MYCBP2: variants seen among roughly 807,000 people sequenced by gnomAD.
The protein encoded by MYCBP2 is MYC binding protein 2.
A neutral mutation model predicts 525.3 loss-of-function variants in MYCBP2; 120 were observed. That is an observed-to-expected ratio of 0.23 (90% CI 0.20 to 0.27). MYCBP2 has a LOEUF of 0.27. Ranked by LOEUF, MYCBP2 falls within the 10% of genes least tolerant of loss-of-function variation. The pLI is 1.00. For missense variants in MYCBP2, 4,149 were observed against 5,657.1 expected (o/e 0.73, Z 8.55); for synonymous variants, 1,894 against 1,955.8 (o/e 0.97, Z 0.83).
In MYCBP2 at chr13:77,077,211, A is replaced by G. The variant is rs1434752913; in HGVS notation, c.11661T>C (p.Ser3887=). 1 of 1,614,040 alleles carries G rather than the reference A, an allele frequency of 6.2e-7. No individual in the cohort carries two copies. Among genetic ancestry groups the G allele is most frequent in the Non-Finnish European group, 8.5e-7 (1 of 1,179,968 alleles). Residue 3887 remains serine, a synonymous_variant, in exon 67 of 83, where the codon AGT becomes AGC. Transcript: ENST00000544440. The part of the protein sequence containing the change: ...STKIAGQISA[S]VAQQRNCEAE... ...CTTCACAGTTCCTCTGCTGGGCCAC[A>G]CTGGCTGAAATCTGGCCAGCTATTT... is the stretch of plus-strand genomic sequence containing the variant.
intron 82 of MYCBP2, among the ~76,000 whole-genome samples, 195 bp from the exon 83 acceptor site, chr13:77,045,688 T>C (rs1022493978): frequency 6.6e-6 from 1 of 152,128 alleles, no homozygotes; most frequent in Non-Finnish European, 1.5e-5. Context: ...AACACAGATA[T>C]GTACAATGGA....
intron 68 of MYCBP2, among the ~76,000 whole-genome samples, chr13:77,072,124 TA>T (rs1236144240): frequency 2.0e-5 from 3 of 150,522 alleles, no homozygotes; most frequent in Admixed American, 6.6e-5. Context: ...CCATCTCTAC[TA>T]AAAAAAATAC....
chr13:77,265,962 A>T (rs527339164), intron 8 of MYCBP2, among the ~76,000 whole-genome samples: 1 of 152,346 alleles, frequency 6.6e-6, no homozygotes, highest in African/African-American at 2.4e-5. Context: ...CCACTAATAC[A>T]GCACACACTT....
intron 52 of MYCBP2, chr13:77,129,096 A>G (rs549927739): frequency 2.5e-6 from 1 of 396,710 alleles, no homozygotes; most frequent in African/African-American, 2.1e-5. Context: ...AAGACACAAA[A>G]TTTGTTATAC....
rs1237634468 is a variant in MYCBP2 at position 77,135,005 on chromosome 13, A to G, written c.7659+4191T>C. Among the ~76,000 whole-genome samples the G allele has an allele frequency of 2.0e-5, 3 of 152,200 alleles. No homozygotes were observed. The East Asian group carries it at 5.8e-4, about 29-fold the overall frequency. On this transcript the variant is annotated intron_variant, in intron 52 of 82. Coordinates refer to ENST00000544440, the MANE Select transcript of MYCBP2 (RefSeq NM_015057.5). ...TATTTTTAAAAATAATTCATCCAAC[A>G]TTCAGTCAGTGTTCAAACTTCCAAT... is the stretch of plus-strand genomic sequence containing the variant.
At position 77,260,475 on chromosome 13, in the gene MYCBP2, C is replaced by T; in HGVS notation, c.1970G>A (p.Gly657Glu). 1 of 1,609,614 alleles carries T rather than the reference C, an allele frequency of 6.2e-7. No homozygotes were observed. Among genetic ancestry groups the T allele is most frequent in the Non-Finnish European group, 8.5e-7 (1 of 1,178,420 alleles). The change falls in exon 13 of 83, where the codon GGA (glycine) becomes GAA (glutamate). Residue 657 changes from glycine to glutamate, a missense_variant. By Grantham distance (98) the Gly-to-Glu change is moderately conservative. This residue lies in a region of MYCBP2 where 262 missense variants were observed against 419.3 expected (regional missense o/e 0.62). Coordinates refer to ENST00000544440, the MANE Select transcript of MYCBP2 (RefSeq NM_015057.5). ...NGSSSVISKD[G>E]ELYMFGKDAI... is the part of the protein sequence containing the mutation. ...ATCTTTTCCAAACATGTAGAGTTCTCCATCTTTAGAAATAACAGAACTACT... is the reference window on the plus strand; with the variant it reads ...ATCTTTTCCAAACATGTAGAGTTCTTCATCTTTAGAAATAACAGAACTACT...
At chr13:77,269,195 T>G (rs1456335752) in intron 7 of MYCBP2, among the ~76,000 whole-genome samples, 1 of 152,228 alleles carries the variant, frequency 6.6e-6, no homozygotes, top group East Asian at 1.9e-4. Context: ...TCTCTTGTGA[T>G]TCTTTGCATA....
At chr13:77,261,491 A>C (rs2073271200) in intron 11 of MYCBP2, 116 bp from the exon 12 acceptor site, 1 of 808,484 alleles carries the variant, frequency 1.2e-6, no homozygotes, top group Admixed American at 3.0e-5. Flanking sequence ...TCACATAAAA[A>C]CAAACTCTTT....
intron 68 of MYCBP2, chr13:77,075,410 C>A (rs556558751): frequency 1.3e-5 from 2 of 152,170 alleles, no homozygotes; most frequent in Non-Finnish European, 2.9e-5. Flanking sequence ...TCCTACTCAA[C>A]CTTAACTCCT....
intron 17 of MYCBP2, among the ~76,000 whole-genome samples, chr13:77,234,392 C>T (rs940912212): frequency 1.3e-5 from 2 of 151,862 alleles, no homozygotes; most frequent in African/African-American, 4.8e-5. Context: ...AATGATGGGA[C>T]AAATTGAGCC....
rs561739267 is a variant in MYCBP2 at position 77,093,024 on chromosome 13, T to C, written c.10367+141A>G. The C allele has an allele frequency of 5.5e-6, 4 of 726,206 alleles. No homozygotes were observed. The South Asian group carries it at 8.5e-5, about 15-fold the overall frequency. The allele number at this position is 726,206 out of a possible 1,614,324, so 45.0% of individuals were successfully genotyped here. A position where few individuals can be genotyped will look rare whatever the true frequency, so the allele number is the denominator to read the frequency against. ...AAGGACCTTACCTTAGTCATACATGTATGCTTTTTCTTACTGCTCCAGCAG... is the reference window on the plus strand; with the variant it reads ...AAGGACCTTACCTTAGTCATACATGCATGCTTTTTCTTACTGCTCCAGCAG... On this transcript the variant is annotated intron_variant, in intron 59 of 82. Transcript: ENST00000544440.
chr13:77,323,850 C>T (rs766198015), intron 1 of MYCBP2, among the ~76,000 whole-genome samples: 3 of 152,196 alleles, frequency 2.0e-5, no homozygotes, highest in Admixed American at 1.3e-4. Flanking sequence ...ACCTCCACCC[C>T]TTCTATATTA....
intron 61 of MYCBP2, chr13:77,087,863 C>T (rs2044623324): frequency 3.0e-6 from 1 of 331,224 alleles, no homozygotes; most frequent in Non-Finnish European, 5.5e-6. Flanking sequence ...TCACTGCAGC[C>T]TCAAGCACCC....
chr13:77,240,815 T>G (rs1331820989), intron 17 of MYCBP2, among the ~76,000 whole-genome samples: 1 of 152,116 alleles, frequency 6.6e-6, no homozygotes, highest in African/African-American at 2.4e-5. Flanking sequence ...GCAAGGACTG[T>G]GATAATTGAG....
intron 1 of MYCBP2, among the ~76,000 whole-genome samples, chr13:77,301,380 G>A (rs144602473): frequency 0.012 from 1,569 of 129,866 alleles, 12 homozygotes; most frequent in Middle Eastern, 0.032. Context: ...CCAAGATCGC[G>A]CCACTGCACT....
At chr13:77,123,029 G>C (rs913122332) in intron 54 of MYCBP2, among the ~76,000 whole-genome samples, 1 of 152,200 alleles carries the variant, frequency 6.6e-6, no homozygotes, top group Non-Finnish European at 1.5e-5. Context: ...TACCACAGCA[G>C]TAACTTTGCC....
At chr13:77,156,956 A>C (rs2057283316) in intron 45 of MYCBP2, among the ~76,000 whole-genome samples, 1 of 152,168 alleles carries the variant, frequency 6.6e-6, no homozygotes, top group African/African-American at 2.4e-5. Flanking sequence ...TTTAAAATTA[A>C]AACCAGAAAA....
chr13:77,217,919 C>T lies in MYCBP2; in HGVS notation c.2978G>A (p.Ser993Asn). 4.3e-6 allele frequency: 7 copies of T among 1,610,564 alleles called. No individual in the cohort carries two copies. Among genetic ancestry groups the T allele is most frequent in the Non-Finnish European group, 5.9e-6 (7 of 1,178,454 alleles). Residue 993 changes from serine to asparagine, a missense_variant, in exon 21 of 83, where the codon AGC becomes AAC. By Grantham distance (46) the Ser-to-Asn change is conservative. Transcript: ENST00000544440. ...PTLVQALPGP[S>N]TQVTAGSNHT... ...GTTGCTGCCTGCAGTGACTTGTGTG[C>T]TAGGGCCTGGCAATGCTTGAACAAG...
Position 77,174,501 on chromosome 13 carries a change from A to G in MYCBP2, c.5473-12T>C. The G allele has an allele frequency of 6.2e-7, 1 of 1,610,126 alleles. No homozygotes were observed. The highest frequency in any genetic ancestry group is 8.5e-7 in the Non-Finnish European group (1 of 1,176,698). Reference sequence around the variant, plus strand: ...TATTTAACATTTTCCTTCATTATAAAGATGTAAAACATCTTTTATTCACAA... The same window carrying G: ...TATTTAACATTTTCCTTCATTATAAGGATGTAAAACATCTTTTATTCACAA... On this transcript the variant is annotated splice_polypyrimidine_tract_variant and intron_variant, in intron 36 of 82. Coordinates refer to ENST00000544440, the MANE Select transcript of MYCBP2 (RefSeq NM_015057.5).
Sources: gnomAD v4.1 joint callset for allele counts (sites outside exome capture counted in the v4.1 genomes callset) on GRCh38, gnomAD v4.1.1 for gene constraint, gnomAD v4.1.1 regional missense constraint, MANE v1.5 for transcripts, NCBI Gene and HGNC (gene_info 2026-07-23, HGNC 2026-07-21) for gene names.